ZNF260: variants seen among roughly 807,000 people sequenced by gnomAD.
ZNF260 encodes zfp-260.
In ZNF260, 21 loss-of-function variants were observed where a neutral mutation model predicts 29.3. The observed-to-expected ratio is 0.72, with a 90% confidence interval of 0.51 to 1.03. The LOEUF (loss-of-function observed/expected upper bound fraction) is 1.03. ZNF260 is among the 50% of genes least tolerant of loss of function. ZNF260 has a pLI of 0.00. For missense variants in ZNF260, 465 were observed against 487.8 expected (o/e 0.95, Z 0.44); for synonymous variants, 156 against 156.8 (o/e 0.99, Z 0.04).
At chr19:36,520,346 G>A (rs2034623048) in intron 2 of ZNF260, among the ~76,000 whole-genome samples, 1 of 151,888 alleles carries the variant, frequency 6.6e-6, no homozygotes, top group African/African-American at 2.4e-5. Flanking sequence ...AAAGAAGTAA[G>A]AGTAAAAAAG....
chr19:36,514,835 G>C lies in ZNF260; in HGVS notation c.404C>G (p.Pro135Arg). 6.2e-7 allele frequency: 1 copy of C among 1,613,934 alleles called. No individual in the cohort carries two copies. The highest frequency in any genetic ancestry group is 8.5e-7 in the Non-Finnish European group (1 of 1,179,992). ...RHQKNHTGTK[P>R]YACKECGKAF... ...TTTGCCACATTCCTTACATGCATAG[G>C]GTTTGGTTCCTGTATGATTTTTCTG... The change falls in exon 3 of 3, where the codon CCC (proline) becomes CGC (arginine). Residue 135 changes from proline (P) to arginine (R), a missense_variant. By Grantham distance (103) the Pro-to-Arg change is moderately radical. Transcript: ENST00000523638.
chr19:36,518,704 C>T (rs2145747097), intron 2 of ZNF260, among the ~76,000 whole-genome samples: 1 of 152,250 alleles, frequency 6.6e-6, no homozygotes, highest in Non-Finnish European at 1.5e-5. Context: ...ATAAAGAACA[C>T]TTCCCAGAAT....
chr19:36,523,070 T>A (rs1297757005), intron 2 of ZNF260, among the ~76,000 whole-genome samples: 1 of 152,152 alleles, frequency 6.6e-6, no homozygotes, highest in Non-Finnish European at 1.5e-5. Flanking sequence ...CTAATAGTGA[T>A]CTAACTTACC....
In ZNF260 at chr19:36,514,904, T is replaced by C; in HGVS notation, c.335A>G (p.Glu112Gly). The stretch of plus-strand genomic sequence containing the variant: ...CATCTGAATAGAAACTTTTTCACAT[T>C]CATAAGGTTTCTCTCCAGTGTGATG... The part of the protein sequence containing the change: ...QKHHTGEKPY[E>G]CEKVSIQMPT... Residue 112 changes from glutamate to glycine, a missense_variant, in exon 3 of 3, where the codon GAA becomes GGA. Physicochemically the swap from Glu to Gly is moderately conservative, Grantham distance 98. Coordinates refer to ENST00000523638, the MANE Select transcript of ZNF260 (RefSeq NM_001166037.2). 1.2e-6 allele frequency: 2 copies of C among 1,614,094 alleles called. No individual in the cohort carries two copies. The highest frequency in any genetic ancestry group is 3.3e-4 in the Middle Eastern group (2 of 6,058).
intron 2 of ZNF260, among the ~76,000 whole-genome samples, chr19:36,516,497 G>A (rs1270308332): frequency 6.6e-6 from 1 of 152,108 alleles, no homozygotes; most frequent in Non-Finnish European, 1.5e-5. Flanking sequence ...GATTGAGGTG[G>A]GCAGATTGCT....
rs765205521 is a variant in ZNF260 at position 36,512,508 on chromosome 19, C to T, written c.*1492G>A. On this transcript the variant is annotated 3_prime_UTR_variant, in exon 3 of 3. Coordinates refer to ENST00000523638, the MANE Select transcript of ZNF260 (RefSeq NM_001166037.2). The stretch of plus-strand genomic sequence containing the variant: ...ACCATGCTTGGTAACATTTCCCTTC[C>T]ACCTCCTTTCTTCCTAGAGGTAACC... The T allele has an allele frequency of 1.3e-5, 2 of 152,082 alleles. No homozygotes were observed. Among genetic ancestry groups the T allele is most frequent in the Non-Finnish European group, 2.9e-5 (2 of 67,984 alleles). 9.4% of individuals were successfully genotyped at this position (152,082 alleles called of 1,614,324 possible). A position where few individuals can be genotyped will look rare whatever the true frequency, so the allele number is the denominator to read the frequency against.
intron 2 of ZNF260, among the ~76,000 whole-genome samples, chr19:36,523,089 A>G (rs1226047309): frequency 6.6e-6 from 1 of 152,170 alleles, no homozygotes; most frequent in African/African-American, 2.4e-5. Context: ...CCCTGCCCCT[A>G]TTCAAACTCT....
rs373638034 is a variant in ZNF260 at position 36,522,953 on chromosome 19, AT to A, written c.-462+2201del. Among the ~76,000 whole-genome samples the A allele has an allele frequency of 7.9e-4, 120 of 152,292 alleles. 1 individual carries two copies. The highest frequency in any genetic ancestry group is 2.8e-3 in the African/African-American group (118 of 41,570). ...TAGTACACTTCTTATTGCTTTACATATCATGAATCTGAGATGCCTAACAAAT... is the reference window on the plus strand; with the variant it reads ...TAGTACACTTCTTATTGCTTTACATACATGAATCTGAGATGCCTAACAAAT... On this transcript the variant is annotated intron_variant, in intron 2 of 2. Coordinates refer to ENST00000523638, the MANE Select transcript of ZNF260 (RefSeq NM_001166037.2).
chr19:36,522,317 G>A (rs992004452), intron 2 of ZNF260, among the ~76,000 whole-genome samples: 1 of 151,482 alleles, frequency 6.6e-6, no homozygotes, highest in South Asian at 2.1e-4. Context: ...TTAGCTGGGC[G>A]TGGTGACATG....
In ZNF260 at chr19:36,513,522, C is replaced by T. The variant is rs2034486062; in HGVS notation, c.*478G>A. ...ACCGCCTCTATCAATTACCAATTCC[C>T]CATATATTCATGCACACATTTCTGA... On this transcript the variant is annotated 3_prime_UTR_variant, in exon 3 of 3. Transcript: ENST00000523638. 1 of 384,642 alleles carries T rather than the reference C, an allele frequency of 2.6e-6. No homozygotes were observed. The highest frequency in any genetic ancestry group is 2.1e-5 in the African/African-American group (1 of 48,338). 23.8% of individuals were successfully genotyped at this position (384,642 alleles called of 1,614,324 possible).
At position 36,512,438 on chromosome 19, in the gene ZNF260, T is replaced by C. The variant is rs2034466737; in HGVS notation, c.*1562A>G. ...TTTCGTTATGTTTACTTAGAATGTT[T>C]CTTTTTAATAAGAAATAGATACAAA... On this transcript the variant is annotated 3_prime_UTR_variant, in exon 3 of 3. Transcript: ENST00000523638. 6.6e-6 allele frequency: 1 copy of C among 152,204 alleles called. No homozygotes were observed. The highest frequency in any genetic ancestry group is 1.5e-5 in the Non-Finnish European group (1 of 68,032). The allele number at this position is 152,204 out of a possible 1,614,324, so 9.4% of individuals were successfully genotyped here. A position where few individuals can be genotyped will look rare whatever the true frequency, so the allele number is the denominator to read the frequency against.
chr19:36,521,194 T>C (rs2034640030), intron 2 of ZNF260, among the ~76,000 whole-genome samples: 1 of 152,228 alleles, frequency 6.6e-6, no homozygotes, highest in Admixed American at 6.5e-5. Flanking sequence ...ATAATGGTAT[T>C]ATTTATTTTG....
rs778958556 is a variant in ZNF260, at chr19:36,514,548, G to C, written c.691C>G (p.Gln231Glu). 1 of 1,614,064 alleles carries C rather than the reference G, an allele frequency of 6.2e-7. No individual in the cohort carries two copies. Among genetic ancestry groups the C allele is most frequent in the Non-Finnish European group, 8.5e-7 (1 of 1,180,006 alleles). ...TGGTGTCTAATGAGGCTTGACTTCT[G>C]AATGAAAGCTTTCCCACACCCTTTA... ...ECKGCGKAFIQKSSLIRHQRS... is the reference protein window; with the variant it reads ...ECKGCGKAFIEKSSLIRHQRS... The change falls in exon 3 of 3, where the codon CAG (glutamine) becomes GAG (glutamate). Residue 231 changes from glutamine (Q) to glutamate (E), a missense_variant. Physicochemically the swap from Gln to Glu is conservative, Grantham distance 29. Coordinates refer to ENST00000523638, the MANE Select transcript of ZNF260 (RefSeq NM_001166037.2).
intron 2 of ZNF260, chr19:36,517,181 G>A (rs1484568299): frequency 2.6e-5 from 4 of 152,538 alleles, no homozygotes; most frequent in African/African-American, 9.6e-5. Context: ...GACTGCTTGA[G>A]GCCAGGAGTT....
rs753092474 is a variant in ZNF260 at position 36,511,314 on chromosome 19, C to T, written c.*2686G>A. 2 of 151,874 alleles carry T rather than the reference C, an allele frequency of 1.3e-5. No individual in the cohort carries two copies. Among genetic ancestry groups the T allele is most frequent in the Non-Finnish European group, 2.9e-5 (2 of 67,998 alleles). The allele number at this position is 151,874 out of a possible 1,614,324, so 9.4% of individuals were successfully genotyped here. A position where few individuals can be genotyped will look rare whatever the true frequency, so the allele number is the denominator to read the frequency against. On this transcript the variant is annotated 3_prime_UTR_variant, in exon 3 of 3. Transcript: ENST00000523638. ...CCAAGGTGGGCGGATCACCTGAGGT[C>T]GGGAGTTCAAGACCAGCCTTTGGAG... is the stretch of plus-strand genomic sequence containing the variant.
Position 36,513,059 on chromosome 19 carries a change from ATAT to A in ZNF260, c.*938_*940del, listed in dbSNP as rs1363679350. 1.3e-5 allele frequency: 2 copies of A among 152,184 alleles called. No individual in the cohort carries two copies. Among genetic ancestry groups the A allele is most frequent in the African/African-American group, 4.8e-5 (2 of 41,458 alleles). 9.4% of individuals were successfully genotyped at this position (152,184 alleles called of 1,614,324 possible). Reference sequence around the variant, plus strand: ...TTCACATAACTTTTATGATTACAGTATATTGTTATAATTGTTCCATATTATGTT... The same window carrying A: ...TTCACATAACTTTTATGATTACAGTATGTTATAATTGTTCCATATTATGTT... On this transcript the variant is annotated 3_prime_UTR_variant, in exon 3 of 3. Coordinates refer to ENST00000523638, the MANE Select transcript of ZNF260 (RefSeq NM_001166037.2).
chr19:36,524,706 T>C (rs1777189745), intron 2 of ZNF260, among the ~76,000 whole-genome samples: 1 of 151,228 alleles, frequency 6.6e-6, no homozygotes, highest in Non-Finnish European at 1.5e-5. Flanking sequence ...GATTAGGGAG[T>C]GGTGATGACT....
At chr19:36,521,964 G>A (rs1373347880) in intron 2 of ZNF260, among the ~76,000 whole-genome samples, 8 of 151,832 alleles carry the variant, frequency 5.3e-5, no homozygotes, top group South Asian at 2.1e-4. Context: ...CAGCAGAATC[G>A]CTTGAACCTG....
chr19:36,519,398 A>C (rs2034604468), intron 2 of ZNF260, among the ~76,000 whole-genome samples: 1 of 152,236 alleles, frequency 6.6e-6, no homozygotes, highest in African/African-American at 2.4e-5. Flanking sequence ...CAGTGATCTT[A>C]CTAGTATCAG....
Sources: allele counts gnomAD v4.1 joint callset (sites outside exome capture counted in the v4.1 genomes callset), GRCh38; gene constraint gnomAD v4.1.1; transcripts MANE v1.5; gene names NCBI Gene and HGNC (gene_info 2026-07-23, HGNC 2026-07-21).